The following TENM2 variants were observed in gnomAD, a reference collection of about 807,000 sequenced individuals.
TENM2 encodes the protein teneurin transmembrane protein 2.
TENM2 carries 52 observed loss-of-function variants against 245.2 expected under a neutral mutation model. The observed-to-expected ratio is 0.21, with a 90% CI of 0.17 to 0.27. The LOEUF is 0.27. Among genes scored for constraint, TENM2 ranks in the 10% least tolerant of loss-of-function variants. The pLI is 1.00. For synonymous variants in TENM2, 1,363 were observed against 1,438.9 expected, an observed-to-expected ratio of 0.95 and a Z score of 1.19; for missense variants, 3,046 against 3,666.8, an observed-to-expected ratio of 0.83 and a Z score of 4.37.
chr5:167,377,958 A>G (rs1292031340), intron 2 of TENM2, among the ~76,000 whole-genome samples: 1 of 152,136 alleles, frequency 6.6e-6, no homozygotes, highest in African/African-American at 2.4e-5. Flanking sequence ...AAGTAACAGG[A>G]ATCTATACTT....
chr5:167,028,281 A>G, the TENM2 span, among the ~76,000 whole-genome samples: 4,845 of 152,216 alleles, frequency 0.032, 260 homozygotes, highest in African/African-American at 0.11. Context: ...AATTTTTTAC[A>G]AGACACATAA....
intron 25 of TENM2, among the ~76,000 whole-genome samples, chr5:168,242,740 G>A (rs747649029): frequency 3.9e-5 from 6 of 152,130 alleles, no homozygotes; most frequent in Non-Finnish European, 8.8e-5. Context: ...ATCACCTGAG[G>A]TCAGGAGTTC....
intron 3 of TENM2, among the ~76,000 whole-genome samples, chr5:167,899,215 G>C (rs1453123932): frequency 6.6e-6 from 1 of 152,130 alleles, no homozygotes; most frequent in East Asian, 1.9e-4. Flanking sequence ...AAAATAGAAA[G>C]AGAAGAAGAA....
chr5:167,587,115 G>A (rs1433899378), intron 2 of TENM2, among the ~76,000 whole-genome samples: 2 of 152,090 alleles, frequency 1.3e-5, no homozygotes, highest in African/African-American at 2.4e-5. Context: ...GAATATAATG[G>A]GGAAGGGCAG....
chr5:167,474,197 A>C (rs1234630381), intron 2 of TENM2, among the ~76,000 whole-genome samples: 1 of 152,208 alleles, frequency 6.6e-6, no homozygotes, highest in Admixed American at 6.5e-5. Flanking sequence ...CTTACAGTCT[A>C]ATTTATTAGT....
At chr5:168,135,691 G>A (rs574893790) in intron 12 of TENM2, among the ~76,000 whole-genome samples, 1 of 151,744 alleles carries the variant, frequency 6.6e-6, no homozygotes, top group African/African-American at 2.4e-5. Context: ...AAGAGAAAAT[G>A]CATTTAGTTA....
At chr5:167,987,217 C>T (rs1158158014) in intron 4 of TENM2, among the ~76,000 whole-genome samples, 1 of 152,072 alleles carries the variant, frequency 6.6e-6, no homozygotes, top group African/African-American at 2.4e-5. Context: ...TATCTACTAA[C>T]AATCTGGTAT....
intron 2 of TENM2, among the ~76,000 whole-genome samples, chr5:167,838,288 A>G (rs1272368004): frequency 3.3e-5 from 5 of 152,186 alleles, no homozygotes; most frequent in Non-Finnish European, 7.3e-5. Flanking sequence ...TCCAGCCGAG[A>G]TATTTATGGG....
chr5:167,496,468 T>G (rs1351726714), intron 2 of TENM2, among the ~76,000 whole-genome samples: 1 of 152,146 alleles, frequency 6.6e-6, no homozygotes, highest in East Asian at 1.9e-4. Context: ...CTTTCTCCAT[T>G]ACATGTCCTC....
chr5:167,936,047 A>G (rs1217093211), intron 3 of TENM2, among the ~76,000 whole-genome samples: 1 of 152,190 alleles, frequency 6.6e-6, no homozygotes, highest in East Asian at 1.9e-4. Context: ...CCCTTCTACT[A>G]TTGGAAATTT....
chr5:167,393,122 G>A (rs1199664410), intron 2 of TENM2, among the ~76,000 whole-genome samples: 1 of 149,400 alleles, frequency 6.7e-6, no homozygotes, highest in Non-Finnish European at 1.5e-5. Flanking sequence ...ACTCCATCTC[G>A]GGGGAAAAAA....
chr5:167,594,381 A>G (rs1776064513), intron 2 of TENM2, among the ~76,000 whole-genome samples: 1 of 152,198 alleles, frequency 6.6e-6, no homozygotes, highest in South Asian at 2.1e-4. Context: ...ATCTACAAAA[A>G]TATAATGCTT....
At chr5:167,234,389 G>A in the TENM2 span, among the ~76,000 whole-genome samples, 3 of 152,140 alleles carry the variant, frequency 2.0e-5, no homozygotes, top group African/African-American at 7.2e-5. Context: ...AGGCTGAGAG[G>A]TTTTTGAAGG....
At chr5:167,381,652 G>A (rs1409934317) in intron 2 of TENM2, among the ~76,000 whole-genome samples, 1 of 152,110 alleles carries the variant, frequency 6.6e-6, no homozygotes, top group Middle Eastern at 3.2e-3. Context: ...ATGTCTTTGA[G>A]GTCACCTGAT....
intron 4 of TENM2, among the ~76,000 whole-genome samples, chr5:167,988,898 A>T (rs968309228): frequency 1.3e-5 from 2 of 152,356 alleles, no homozygotes; most frequent in Non-Finnish European, 2.9e-5. Context: ...AAGCAGTGCC[A>T]TATGCAAGAT....
intron 2 of TENM2, among the ~76,000 whole-genome samples, chr5:167,872,506 AAG>A (rs1192915273): frequency 0.051 from 769 of 15,000 alleles, 12 homozygotes; most frequent in African/African-American, 0.08. Flanking sequence ...GAAAGAAAGA[AAG>A]AAAGAAAGAA....
chr5:167,240,243 A>T, the TENM2 span, among the ~76,000 whole-genome samples: 1 of 150,030 alleles, frequency 6.7e-6, no homozygotes, highest in Admixed American at 6.6e-5. Context: ...CAACAAAGTG[A>T]CTTTGGTAGG....
intron 5 of TENM2, among the ~76,000 whole-genome samples, chr5:167,994,895 G>T (rs1201760010): frequency 6.6e-6 from 1 of 152,222 alleles, no homozygotes; most frequent in Non-Finnish European, 1.5e-5. Flanking sequence ...GTACATCTTA[G>T]TGTGTTGCTA....
At chr5:167,201,094 T>C in the TENM2 span, among the ~76,000 whole-genome samples, 1 of 152,122 alleles carries the variant, frequency 6.6e-6, no homozygotes, top group African/African-American at 2.4e-5. Context: ...TTCGAATATT[T>C]TTTTCTTCTC....
Sources: gnomAD v4.1 joint callset for allele counts (sites outside exome capture counted in the v4.1 genomes callset) on GRCh38, gnomAD v4.1.1 for gene constraint, MANE v1.5 for transcripts, NCBI Gene and HGNC (gene_info 2026-07-23, HGNC 2026-07-21) for gene names.